PTPRT: variants seen among roughly 807,000 people sequenced by gnomAD.
PTPRT encodes the protein receptor-type tyrosine-protein phosphatase T.
A neutral mutation model predicts 176.8 loss-of-function variants in PTPRT; 56 were observed. The observed-to-expected ratio is 0.32, with a 90% CI of 0.26 to 0.40. PTPRT has a LOEUF of 0.40. PTPRT is among the 10% of genes least tolerant of loss of function. The probability of loss-of-function intolerance (pLI) is 1.00; values close to 1 mark genes in which losing one functional copy is unlikely to be tolerated. For missense variants in PTPRT, 1,540 were observed against 1,908.2 expected, an observed-to-expected ratio of 0.81 and a Z score of 3.60; for synonymous variants, 783 against 739.0, an observed-to-expected ratio of 1.06 and a Z score of -0.96.
At chr20:42,231,138 AC>A (rs113832746) in intron 15 of PTPRT, among the ~76,000 whole-genome samples, 31,550 of 152,122 alleles carry the variant, frequency 0.21, 3,683 homozygotes, top group African/African-American at 0.28. Flanking sequence ...AATAGCTACC[AC>A]TTCTTATGCC....
At chr20:42,404,709 A>G (rs531737453) in intron 9 of PTPRT, among the ~76,000 whole-genome samples, 7 of 152,202 alleles carry the variant, frequency 4.6e-5, no homozygotes, top group Admixed American at 2.0e-4. Flanking sequence ...GAAAATTTCA[A>G]ATGTAAGGAA....
At chr20:42,671,763 G>A (rs2146040680) in intron 7 of PTPRT, among the ~76,000 whole-genome samples, 1 of 152,146 alleles carries the variant, frequency 6.6e-6, no homozygotes, top group Non-Finnish European at 1.5e-5. Context: ...CATGAAAGAT[G>A]GTGAATGATT....
chr20:43,041,479 C>G (rs189589702), intron 1 of PTPRT, among the ~76,000 whole-genome samples: 5 of 152,206 alleles, frequency 3.3e-5, no homozygotes, highest in African/African-American at 1.2e-4. Context: ...GTGTGGACAA[C>G]AGGGACAAGT....
At chr20:42,426,506 G>A (rs535240481) in intron 9 of PTPRT, among the ~76,000 whole-genome samples, 7 of 152,190 alleles carry the variant, frequency 4.6e-5, no homozygotes, top group Admixed American at 2.6e-4. Flanking sequence ...TCAAGTCCAT[G>A]TGTGAACTGA....
intron 9 of PTPRT, among the ~76,000 whole-genome samples, chr20:42,395,863 T>C (rs1322405244): frequency 1.3e-5 from 2 of 152,154 alleles, no homozygotes; most frequent in African/African-American, 4.8e-5. Flanking sequence ...CATTTGATGA[T>C]TCTGCCTCAA....
Position 42,561,485 on chromosome 20 carries a change from A to G in PTPRT, c.1154-88923T>C, listed in dbSNP as rs375234997. ...GCCTTGGGGACATCTTAAGGAAAAA[A>G]CTGGCATAAATGATCCCATAGGTGT... On this transcript the variant is annotated intron_variant, in intron 7 of 30. Transcript: ENST00000373187. Among the ~76,000 whole-genome samples, 15 of 152,266 alleles carry G rather than the reference A, an allele frequency of 9.9e-5. No homozygotes were observed. In the East Asian group the frequency reaches 1.7e-3, roughly 18 times the overall value.
At chr20:43,139,828 C>G (rs2013947071) in intron 1 of PTPRT, among the ~76,000 whole-genome samples, 1 of 152,216 alleles carries the variant, frequency 6.6e-6, no homozygotes, top group South Asian at 2.1e-4. Context: ...AGAAGTGGAG[C>G]AGCATCGGCA....
At chr20:42,749,156 G>A (rs2076733616) in intron 6 of PTPRT, among the ~76,000 whole-genome samples, 1 of 152,126 alleles carries the variant, frequency 6.6e-6, no homozygotes, top group Admixed American at 6.5e-5. Context: ...TTATGAGTGT[G>A]CACACTACTA....
intron 7 of PTPRT, among the ~76,000 whole-genome samples, chr20:42,582,701 C>T (rs1035506075): frequency 1.3e-5 from 2 of 152,172 alleles, no homozygotes; most frequent in African/African-American, 2.4e-5. Flanking sequence ...GTCAGGCATG[C>T]TCTGGTCAAG....
At chr20:42,787,843 A>C (rs1188398866) in intron 3 of PTPRT, among the ~76,000 whole-genome samples, 2 of 152,148 alleles carry the variant, frequency 1.3e-5, no homozygotes, top group African/African-American at 4.8e-5. Flanking sequence ...AGTGTGTGTA[A>C]GTTTTGCTGT....
intron 5 of PTPRT, among the ~76,000 whole-genome samples, chr20:42,764,791 T>C (rs2076960252): frequency 6.6e-6 from 1 of 152,174 alleles, no homozygotes; most frequent in Non-Finnish European, 1.5e-5. Flanking sequence ...CTGTTAAACA[T>C]AGTATCATTA....
At chr20:42,391,816 T>C (rs1202811669) in intron 9 of PTPRT, among the ~76,000 whole-genome samples, 1 of 152,238 alleles carries the variant, frequency 6.6e-6, no homozygotes, top group African/African-American at 2.4e-5. Context: ...TGCTCTGTCC[T>C]ATAACTAAAT....
At chr20:42,387,256 T>C (rs1360866250) in intron 9 of PTPRT, among the ~76,000 whole-genome samples, 10 of 152,210 alleles carry the variant, frequency 6.6e-5, no homozygotes, top group Admixed American at 6.5e-4. Flanking sequence ...GGGTCAGTGA[T>C]ATAAACCAGG....
At chr20:42,318,152 G>T (rs536487134) in intron 11 of PTPRT, among the ~76,000 whole-genome samples, 2 of 152,288 alleles carry the variant, frequency 1.3e-5, no homozygotes, top group East Asian at 3.9e-4. Context: ...ATCTATGCAT[G>T]TTCATAATGC....
At chr20:42,973,676 T>G (rs1400072428) in intron 1 of PTPRT, among the ~76,000 whole-genome samples, 1 of 152,176 alleles carries the variant, frequency 6.6e-6, no homozygotes, top group Non-Finnish European at 1.5e-5. Flanking sequence ...CAGGAATAAT[T>G]ATCTTGCCAA....
At chr20:43,158,343 C>T (rs1198285311) in intron 1 of PTPRT, among the ~76,000 whole-genome samples, 1 of 152,090 alleles carries the variant, frequency 6.6e-6, no homozygotes, top group Non-Finnish European at 1.5e-5. Context: ...TGGACAAGTT[C>T]CATGTGAGAT....
chr20:42,205,206 G>T (rs1358676492), intron 15 of PTPRT, among the ~76,000 whole-genome samples: 1 of 152,030 alleles, frequency 6.6e-6, no homozygotes, highest in East Asian at 1.9e-4. Context: ...TCTTTTGGAA[G>T]CACCTAACGC....
At chr20:42,217,548 T>C (rs556688778) in intron 15 of PTPRT, among the ~76,000 whole-genome samples, 5 of 152,254 alleles carry the variant, frequency 3.3e-5, no homozygotes, top group Admixed American at 2.6e-4. Context: ...AGAAGGAAAA[T>C]ATACATGTAT....
intron 19 of PTPRT, among the ~76,000 whole-genome samples, chr20:42,125,923 A>T (rs572763707): frequency 6.6e-6 from 1 of 151,402 alleles, no homozygotes; most frequent in African/African-American, 2.4e-5. Context: ...CCATGCAGCC[A>T]TAGACAAGGT....
Sources: gnomAD v4.1 joint callset for allele counts (sites outside exome capture counted in the v4.1 genomes callset) on GRCh38, gnomAD v4.1.1 for gene constraint, MANE v1.5 for transcripts, NCBI Gene and HGNC (gene_info 2026-07-23, HGNC 2026-07-21) for gene names.